ADAMTSL1: variants seen among roughly 807,000 people sequenced by gnomAD.
ADAMTSL1 encodes the protein ADAMTS like 1.
A neutral mutation model predicts 201.8 loss-of-function variants in ADAMTSL1; 126 were observed. The observed-to-expected ratio is 0.62, with a 90% CI of 0.54 to 0.72. The LOEUF (loss-of-function observed/expected upper bound fraction) is 0.72. Among genes scored for constraint, ADAMTSL1 ranks in the 30% least tolerant of loss-of-function variants. The probability of loss-of-function intolerance (pLI) is 0.00; values close to 1 mark genes in which losing one functional copy is unlikely to be tolerated. For synonymous variants in ADAMTSL1, 1,121 were observed against 903.4 expected (o/e 1.24, Z -4.32); for missense variants, 2,679 against 2,277.8 (o/e 1.18, Z -3.59).
At chr9:18,079,009 C>G (rs1186247476) in intron 1 of ADAMTSL1, among the ~76,000 whole-genome samples, 2 of 152,112 alleles carry the variant, frequency 1.3e-5, no homozygotes, top group Non-Finnish European at 2.9e-5. Flanking sequence ...AGGCAGGGGT[C>G]AGAACCTGTA....
At chr9:18,107,844 T>C (rs1194119390) in intron 1 of ADAMTSL1, among the ~76,000 whole-genome samples, 1 of 152,028 alleles carries the variant, frequency 6.6e-6, no homozygotes, top group African/African-American at 2.4e-5. Context: ...CGCCAGGAAG[T>C]GTTAAATGCT....
chr9:18,604,337 C>G (rs1481928628), intron 4 of ADAMTSL1, among the ~76,000 whole-genome samples: 3 of 152,134 alleles, frequency 2.0e-5, no homozygotes, highest in African/African-American at 7.2e-5. Flanking sequence ...TTAAAAGAAA[C>G]TATTATTTCT....
chr9:18,406,348 A>C (rs142899459), intron 2 of ADAMTSL1, among the ~76,000 whole-genome samples: 1,805 of 31,038 alleles, frequency 0.058, 35 homozygotes, highest in African/African-American at 0.12. Flanking sequence ...TCTTTTTTTG[A>C]CATGGACTCT....
intron 12 of ADAMTSL1, among the ~76,000 whole-genome samples, chr9:18,682,355 T>C (rs1375060334): frequency 6.6e-6 from 1 of 152,184 alleles, no homozygotes; most frequent in Non-Finnish European, 1.5e-5. Flanking sequence ...CTGAAGTACA[T>C]TGGGAAGTCT....
At chr9:18,494,233 G>A (rs1306520850) in intron 1 of ADAMTSL1, among the ~76,000 whole-genome samples, 1 of 151,692 alleles carries the variant, frequency 6.6e-6, no homozygotes, top group Non-Finnish European at 1.5e-5. Context: ...GCGGGTGCCT[G>A]TAATCCCAAC....
intron 2 of ADAMTSL1, among the ~76,000 whole-genome samples, chr9:18,418,725 T>G (rs998621035): frequency 6.6e-6 from 1 of 152,186 alleles, no homozygotes; most frequent in African/African-American, 2.4e-5. Context: ...CATACCTTAT[T>G]TATGGACAAG....
intron 16 of ADAMTSL1, among the ~76,000 whole-genome samples, chr9:18,769,566 C>T (rs369391273): frequency 6.6e-6 from 1 of 152,188 alleles, no homozygotes; most frequent in African/African-American, 2.4e-5. Flanking sequence ...ATGGTGGTTT[C>T]ACAGTCAGGA....
At position 18,485,870 on chromosome 9, in the gene ADAMTSL1, C is replaced by G. The variant is rs546787688; in HGVS notation, c.63+11575C>G. On this transcript the variant is annotated intron_variant, in intron 1 of 28. Coordinates refer to ENST00000380548, the MANE Select transcript of ADAMTSL1 (RefSeq NM_001040272.6). ...GTGGAAAGGCCTGGAGAAGGGAGGCCAAAAGTTTCAAGATTATTACACCTC... is the reference window on the plus strand; with the variant it reads ...GTGGAAAGGCCTGGAGAAGGGAGGCGAAAAGTTTCAAGATTATTACACCTC... 5.9e-5 allele frequency among the ~76,000 whole-genome samples: 9 copies of G among 152,254 alleles called. No homozygotes were observed. The East Asian group carries it at 7.7e-4, about 13-fold the overall frequency.
At chr9:18,501,503 CA>C (rs397894789) in intron 1 of ADAMTSL1, among the ~76,000 whole-genome samples, 48,546 of 92,586 alleles carry the variant, frequency 0.52, 9,153 homozygotes, top group Middle Eastern at 0.59. Context: ...GACACGGTCT[CA>C]AAAAAAAAAA....
chr9:18,409,969 T>C (rs1563941734), intron 2 of ADAMTSL1, among the ~76,000 whole-genome samples: 1 of 151,604 alleles, frequency 6.6e-6, no homozygotes, highest in Non-Finnish European at 1.5e-5. Flanking sequence ...TATAATACAG[T>C]CCCAATTACA....
chr9:18,159,188 C>T (rs1007618923), intron 1 of ADAMTSL1, among the ~76,000 whole-genome samples: 5 of 151,954 alleles, frequency 3.3e-5, no homozygotes, highest in Admixed American at 3.3e-4. Flanking sequence ...TCTTAATTCT[C>T]AGTAAACTAT....
At position 18,047,652 on chromosome 9, in the gene ADAMTSL1, G is replaced by T. The variant is rs565718026; in HGVS notation, c.88-116210G>T. 3.3e-5 allele frequency among the ~76,000 whole-genome samples: 5 copies of T among 152,216 alleles called. No homozygotes were observed. In the East Asian group the frequency reaches 9.7e-4, roughly 29 times the overall value. ...GGTGATGACACTGGTTCTGCTCATCGTTTTAGAACCTGTAAACTGAACCCA... is the reference window on the plus strand; with the variant it reads ...GGTGATGACACTGGTTCTGCTCATCTTTTTAGAACCTGTAAACTGAACCCA... On this transcript the variant is annotated intron_variant, in intron 1 of 29. Coordinates refer to the ADAMTSL1 transcript ENST00000680146.
rs1004070323 is a variant in ADAMTSL1 at position 18,908,270 on chromosome 9, G to A, written c.5183-172G>A. 2.0e-5 allele frequency: 13 copies of A among 636,264 alleles called. No homozygotes were observed. The East Asian group carries it at 3.7e-4, about 18-fold the overall frequency. The allele number at this position is 636,264 out of a possible 1,614,324, so 39.4% of individuals were successfully genotyped here. The stretch of plus-strand genomic sequence containing the variant: ...CCCCTGCTGTTGGCAGCCTTGGGGA[G>A]CAAGTGGCTGAGCTCTGTCAAAGTT... On this transcript the variant is annotated intron_variant, in intron 28 of 28. Coordinates refer to ENST00000380548, the MANE Select transcript of ADAMTSL1 (RefSeq NM_001040272.6).
chr9:18,610,564 G>A (rs1188011617), intron 4 of ADAMTSL1, among the ~76,000 whole-genome samples: 3 of 152,286 alleles, frequency 2.0e-5, no homozygotes, highest in East Asian at 3.9e-4. Context: ...ATCAGTTGAG[G>A]ATGTCTTTAA....
chr9:17,992,119 T>C (rs977049761), intron 1 of ADAMTSL1, among the ~76,000 whole-genome samples: 4 of 151,846 alleles, frequency 2.6e-5, no homozygotes, highest in Non-Finnish European at 5.9e-5. Flanking sequence ...CCATATAGAG[T>C]ATGGGTATAG....
intron 2 of ADAMTSL1, among the ~76,000 whole-genome samples, chr9:18,214,055 A>C (rs931066354): frequency 1.3e-5 from 2 of 152,088 alleles, no homozygotes; most frequent in African/African-American, 4.8e-5. Flanking sequence ...TTTAATTGTA[A>C]TTTTAAAATT....
At chr9:18,564,398 A>G (rs533198258) in intron 3 of ADAMTSL1, among the ~76,000 whole-genome samples, 6 of 152,084 alleles carry the variant, frequency 3.9e-5, no homozygotes, top group Admixed American at 2.6e-4. Context: ...AAATGCCGAA[A>G]TCACCTGGCT....
intron 4 of ADAMTSL1, among the ~76,000 whole-genome samples, chr9:18,587,346 A>G (rs112548126): frequency 5.9e-5 from 9 of 152,334 alleles, no homozygotes; most frequent in African/African-American, 2.2e-4. Flanking sequence ...CAACAAGCAT[A>G]TAAAAAAAGC....
intron 1 of ADAMTSL1, among the ~76,000 whole-genome samples, chr9:18,127,330 A>C (rs527297547): frequency 3.3e-5 from 5 of 152,292 alleles, no homozygotes; most frequent in African/African-American, 1.2e-4. Context: ...CTGAGACACC[A>C]CTTTCTGATG....
Sources: allele counts gnomAD v4.1 joint callset (sites outside exome capture counted in the v4.1 genomes callset), GRCh38; gene constraint gnomAD v4.1.1; transcripts MANE v1.5; gene names NCBI Gene and HGNC (gene_info 2026-07-23, HGNC 2026-07-21).